Variants in COX11 observed in about 807,000 individuals in gnomAD.
COX11 encodes cytochrome c oxidase copper chaperone COX11.
COX11 carries 18 observed loss-of-function variants against 29.4 expected under a neutral mutation model. The ratio of observed to expected loss-of-function variants is 0.61; its 90% CI spans 0.42 to 0.91. The LOEUF (loss-of-function observed/expected upper bound fraction) is 0.91. Ranked by LOEUF, COX11 falls within the 40% of genes least tolerant of loss-of-function variation. COX11 has a pLI of 0.00. For missense variants in COX11, 312 were observed against 346.0 expected (o/e 0.90, Z 0.78); for synonymous variants, 131 against 124.0 (o/e 1.06, Z -0.38).
chr17:54,958,819 G>A (rs1276901897), downstream of COX11, among the ~76,000 whole-genome samples: 1 of 151,408 alleles, frequency 6.6e-6, no homozygotes, highest in Admixed American at 6.6e-5. Context: ...GCTGTACTTT[G>A]TATAAAATGG....
At position 54,963,296 on chromosome 17, in the gene COX11, T is replaced by G; in HGVS notation, c.648+10A>C. ...TTATCATATTCTGTAAAGTTTACAC[T>G]TTGATGTACCTGTATTTTATTGAAA... On this transcript the variant is annotated intron_variant, in intron 3 of 3. Coordinates refer to ENST00000299335, the MANE Select transcript of COX11 (RefSeq NM_004375.5). 3 of 1,607,580 alleles carry G rather than the reference T, an allele frequency of 1.9e-6. No individual in the cohort carries two copies. The highest frequency in any genetic ancestry group is 2.5e-6 in the Non-Finnish European group (3 of 1,176,610).
intron 1 of COX11, among the ~76,000 whole-genome samples, chr17:54,967,022 AAAT>A (rs140861493): frequency 0.51 from 76,132 of 148,280 alleles, 19,772 homozygotes; most frequent in Non-Finnish European, 0.57. Flanking sequence ...AAATTTAAAT[AAAT>A]AAACGTGCGC....
At chr17:54,968,156 C>T in intron 1 of COX11, 125 bp downstream of exon 1, 1 of 1,444,122 alleles carries the variant, frequency 6.9e-7, no homozygotes, top group Non-Finnish European at 9.2e-7. Context: ...CCTCTCTCCT[C>T]TTAGGTAGAT....
At chr17:54,968,192 G>A in intron 1 of COX11, 89 bp downstream of exon 1, 2 of 1,530,602 alleles carry the variant, frequency 1.3e-6, no homozygotes, top group Non-Finnish European at 1.7e-6. Context: ...TTCCACCTAC[G>A]ACCCGCAGAG....
chr17:54,963,281 C>A lies in COX11; in HGVS notation c.648+25G>T, dbSNP rs962384508. ...CCGTTTCATGTATCTTTATCATATT[C>A]TGTAAAGTTTACACTTTGATGTACC... On this transcript the variant is annotated intron_variant, in intron 3 of 3. Coordinates refer to ENST00000299335, the MANE Select transcript of COX11 (RefSeq NM_004375.5). The A allele has an allele frequency of 5.0e-6, 8 of 1,600,430 alleles. No individual in the cohort carries two copies. The African/African-American group carries it at 1.1e-4, about 22-fold the overall frequency.
At position 54,960,959 on chromosome 17, in the gene COX11, C is replaced by T. The variant is rs1281493042; in HGVS notation, c.*1774G>A. On this transcript the variant is annotated 3_prime_UTR_variant, in exon 4 of 4. Transcript: ENST00000299335. ...TGCAGTTAATACTTGTTAACCGGTA[C>T]CAGTAGACCCATTTACCGTTAGTCC... Among the ~76,000 whole-genome samples, 1 of 152,156 alleles carries T rather than the reference C, an allele frequency of 6.6e-6. No individual in the cohort carries two copies. The highest frequency in any genetic ancestry group is 2.4e-5 in the African/African-American group (1 of 41,428).
intron 1 of COX11, among the ~76,000 whole-genome samples, chr17:54,965,928 T>C (rs1335115095): frequency 2.0e-5 from 3 of 152,108 alleles, no homozygotes; most frequent in African/African-American, 2.4e-5. Context: ...CCTGTTACTA[T>C]GCTAGGAAGA....
Position 54,961,347 on chromosome 17 carries a change from T to C in COX11, c.*1386A>G, listed in dbSNP as rs1947996065. Reference sequence around the variant, plus strand: ...AATACCTACCAACATGTCAAAGCCATGGTGGCACATTTCTGCTATAATGAA... The same window carrying C: ...AATACCTACCAACATGTCAAAGCCACGGTGGCACATTTCTGCTATAATGAA... On this transcript the variant is annotated 3_prime_UTR_variant, in exon 4 of 4. Transcript: ENST00000299335. 1 of 1,551,282 alleles carries C rather than the reference T, an allele frequency of 6.4e-7. No homozygotes were observed. Among genetic ancestry groups the C allele is most frequent in the African/African-American group, 1.4e-5 (1 of 73,050 alleles).
chr17:54,964,026 ATCTT>A (rs1353625878), intron 2 of COX11, among the ~76,000 whole-genome samples: 1 of 152,128 alleles, frequency 6.6e-6, no homozygotes, highest in African/African-American at 2.4e-5. Context: ...AACCTATAAA[ATCTT>A]TATTAAGAGA....
chr17:54,954,054 G>A (rs1032537703), exon 1 of COX11: 1 of 152,126 alleles, frequency 6.6e-6, no homozygotes, highest in East Asian at 1.9e-4. Flanking sequence ...TAATGATGAA[G>A]CCACTCTTGA....
rs546917830 is a variant in COX11 at position 54,968,272 on chromosome 17, G to T, written c.366+9C>A. ...TCTGCGCCACCCTGCGGGCGGCGCC[G>T]GCCCCTACCTGGCAATAGAGCCGAT... On this transcript the variant is annotated intron_variant, in intron 1 of 3. Transcript: ENST00000299335. 2 of 1,594,566 alleles carry T rather than the reference G, an allele frequency of 1.3e-6. No homozygotes were observed. Among genetic ancestry groups the T allele is most frequent in the South Asian group, 2.2e-5 (2 of 90,872 alleles).
chr17:54,967,893 C>T (rs973303051), intron 1 of COX11, among the ~76,000 whole-genome samples: 5 of 151,784 alleles, frequency 3.3e-5, no homozygotes, highest in African/African-American at 1.2e-4. Context: ...GCACATAAAC[C>T]ACATGTGGTT....
In COX11 at chr17:54,964,864, T is replaced by TA. The variant is rs1249210541; in HGVS notation, c.367-13dup. ...CCAAGTCCAGTAGTCTAGAAAAAGA[T>TA]ACCAAATATGTTAAACAATACTTTT... is the stretch of plus-strand genomic sequence containing the variant. On this transcript the variant is annotated splice_polypyrimidine_tract_variant and intron_variant, in intron 1 of 3. Transcript: ENST00000299335. The TA allele has an allele frequency of 6.2e-7, 1 of 1,610,216 alleles. No homozygotes were observed. Among genetic ancestry groups the TA allele is most frequent in the Non-Finnish European group, 8.5e-7 (1 of 1,178,970 alleles).
chr17:54,961,671 T>G lies in COX11; in HGVS notation c.*1062A>C. On this transcript the variant is annotated 3_prime_UTR_variant, in exon 4 of 4. Coordinates refer to ENST00000299335, the MANE Select transcript of COX11 (RefSeq NM_004375.5). The stretch of plus-strand genomic sequence containing the variant: ...CAGGAAGAATACTGAGTGCCTTCAT[T>G]TAACTAAAGTTGAATGTAAAAGTCA... 1 of 1,055,278 alleles carries G rather than the reference T, an allele frequency of 9.5e-7. No individual in the cohort carries two copies. Among genetic ancestry groups the G allele is most frequent in the Non-Finnish European group, 1.1e-6 (1 of 874,240 alleles). The allele number at this position is 1,055,278 out of a possible 1,614,324, so 65.4% of individuals were successfully genotyped here.
chr17:54,951,933 C>G (rs2049256920), exon 1 of COX11: 1 of 152,154 alleles, frequency 6.6e-6, no homozygotes, highest in Admixed American at 6.5e-5. Context: ...TTACTTAGCA[C>G]AAGTAAATTC....
chr17:54,968,771 C>T (rs1180094751), upstream of COX11: 4 of 1,148,256 alleles, frequency 3.5e-6, no homozygotes, highest in Non-Finnish European at 2.5e-6. Flanking sequence ...CCTCAGGTGG[C>T]AGCGCTTGCA....
intron 1 of COX11, among the ~76,000 whole-genome samples, chr17:54,965,768 T>C (rs1184480360): frequency 6.7e-6 from 1 of 150,262 alleles, no homozygotes; most frequent in African/African-American, 2.5e-5. Flanking sequence ...GAGGCGGAGG[T>C]TGCAGTGAGC....
At position 54,963,243 on chromosome 17, in the gene COX11, G is replaced by A. The variant is rs749101135; in HGVS notation, c.648+63C>T. 32 of 1,532,846 alleles carry A rather than the reference G, an allele frequency of 2.1e-5. No individual in the cohort carries two copies. The Admixed American group carries it at 6.1e-4, about 29-fold the overall frequency. 95.0% of individuals were successfully genotyped at this position (1,532,846 alleles called of 1,614,324 possible). On this transcript the variant is annotated intron_variant, in intron 3 of 3. Coordinates refer to ENST00000299335, the MANE Select transcript of COX11 (RefSeq NM_004375.5). ...ATCACAAGATCTACTAAAACACTAA[G>A]TTTCATACTAAACCGTTTCATGTAT...
chr17:54,960,977 G>A lies in COX11; in HGVS notation c.*1756C>T, dbSNP rs914042174. On this transcript the variant is annotated 3_prime_UTR_variant, in exon 4 of 4. Transcript: ENST00000299335. ...ACCGGTACCAGTAGACCCATTTACC[G>A]TTAGTCCTCCAAATAGGTCTGAATT... 4.6e-5 allele frequency: 25 copies of A among 547,150 alleles called. 1 individual carries two copies. The highest frequency in any genetic ancestry group is 3.0e-4 in the South Asian group (13 of 43,644). 33.9% of individuals were successfully genotyped at this position (547,150 alleles called of 1,614,324 possible). A position where few individuals can be genotyped will look rare whatever the true frequency, so the allele number is the denominator to read the frequency against.
Sources: allele counts gnomAD v4.1 joint callset (sites outside exome capture counted in the v4.1 genomes callset), GRCh38; gene constraint gnomAD v4.1.1; transcripts MANE v1.5; gene names NCBI Gene and HGNC (gene_info 2026-07-23, HGNC 2026-07-21).